The following ZFP30 variants were observed in gnomAD, a reference collection of about 807,000 sequenced individuals.
ZFP30 encodes the protein zinc finger protein 30 homolog.
In ZFP30, 16 loss-of-function variants were observed where a neutral mutation model predicts 12.3. That is an observed-to-expected ratio of 1.30 (90% confidence interval 0.88 to 1.98). The LOEUF (loss-of-function observed/expected upper bound fraction) is 1.98. ZFP30 is among the 30% of genes most tolerant of loss of function. ZFP30 has a pLI of 0.00. For missense variants in ZFP30, 560 were observed against 611.2 expected, an observed-to-expected ratio of 0.92 and a Z score of 0.88; for synonymous variants, 172 against 201.0, an observed-to-expected ratio of 0.86 and a Z score of 1.22.
intron 3 of ZFP30, among the ~76,000 whole-genome samples, chr19:37,645,113 G>C (rs747319178): frequency 5.3e-5 from 8 of 151,998 alleles, no homozygotes; most frequent in Non-Finnish European, 1.0e-4. Flanking sequence ...GTTGAGGCAG[G>C]AGAATGGTGT....
At chr19:37,652,826 G>C (rs2044678142) in intron 2 of ZFP30, among the ~76,000 whole-genome samples, 1 of 151,950 alleles carries the variant, frequency 6.6e-6, no homozygotes, top group Non-Finnish European at 1.5e-5. Flanking sequence ...CAGTCATTAA[G>C]AAAATTGTGG....
At chr19:37,644,519 C>A in intron 4 of ZFP30, 91 bp downstream of exon 4, 1 of 1,377,194 alleles carries the variant, frequency 7.3e-7, no homozygotes, top group Non-Finnish European at 9.5e-7. Context: ...GGTGACTCAG[C>A]GAGACTTCGT....
At chr19:37,651,198 T>G (rs534278264) in intron 2 of ZFP30, among the ~76,000 whole-genome samples, 3 of 152,180 alleles carry the variant, frequency 2.0e-5, no homozygotes, top group Non-Finnish European at 4.4e-5. Context: ...AATGATCTTG[T>G]TTTTTGTAAG....
Position 37,632,711 on chromosome 19 carries a change from T to C in ZFP30, c.*2270A>G, listed in dbSNP as rs138238040. Reference sequence around the variant, plus strand: ...ACTAAGTCTTCAGAATCTTGTGTTTTACAAAAAAACACCATTTGAATTTGG... The same window carrying C: ...ACTAAGTCTTCAGAATCTTGTGTTTCACAAAAAAACACCATTTGAATTTGG... On this transcript the variant is annotated 3_prime_UTR_variant, in exon 6 of 6. Coordinates refer to ENST00000684514, the MANE Select transcript of ZFP30 (RefSeq NM_001320669.3). The C allele has an allele frequency of 1.5e-4, 23 of 152,332 alleles. No individual in the cohort carries two copies. The highest frequency in any genetic ancestry group is 5.3e-4 in the African/African-American group (22 of 41,584). The allele number at this position is 152,332 out of a possible 1,614,324, so 9.4% of individuals were successfully genotyped here. A position where few individuals can be genotyped will look rare whatever the true frequency, so the allele number is the denominator to read the frequency against.
intron 2 of ZFP30, among the ~76,000 whole-genome samples, chr19:37,650,738 CT>C (rs34780474): frequency 0.011 from 1,507 of 142,726 alleles, 8 homozygotes; most frequent in African/African-American, 0.03. Flanking sequence ...TTTTCTTTTC[CT>C]TTTTTTTTTT....
chr19:37,643,758 G>A (rs1002180424), intron 4 of ZFP30, among the ~76,000 whole-genome samples: 2 of 152,040 alleles, frequency 1.3e-5, no homozygotes, highest in African/African-American at 2.4e-5. Context: ...ATGTTCATGA[G>A]GTACTACATT....
chr19:37,637,643 C>CTGGGAT (rs2044357417), intron 5 of ZFP30, among the ~76,000 whole-genome samples: 1 of 152,086 alleles, frequency 6.6e-6, no homozygotes, highest in Non-Finnish European at 1.5e-5. Flanking sequence ...GTGCCCGCCA[C>CTGGGAT]CACACCTGGC....
chr19:37,642,153 T>C (rs1250317650), intron 5 of ZFP30, among the ~76,000 whole-genome samples: 1 of 152,266 alleles, frequency 6.6e-6, no homozygotes, highest in Non-Finnish European at 1.5e-5. Flanking sequence ...GGTAATATTC[T>C]ATCATTTCTT....
intron 5 of ZFP30, among the ~76,000 whole-genome samples, chr19:37,640,582 G>A (rs1435938277): frequency 6.6e-6 from 1 of 151,324 alleles, no homozygotes; most frequent in Non-Finnish European, 1.5e-5. Flanking sequence ...CAGGGCATCA[G>A]CTTTAATTAA....
At chr19:37,649,026 C>T (rs1467967678) in intron 2 of ZFP30, among the ~76,000 whole-genome samples, 1 of 151,732 alleles carries the variant, frequency 6.6e-6, no homozygotes, top group Non-Finnish European at 1.5e-5. Flanking sequence ...TTGCTTGATG[C>T]CAGGAATTGA....
Position 37,647,813 on chromosome 19 carries a change from C to T in ZFP30, c.9+1G>A, listed in dbSNP as rs1199776144. The T allele has an allele frequency of 1.2e-6, 2 of 1,614,018 alleles. No homozygotes were observed. Among genetic ancestry groups the T allele is most frequent in the Non-Finnish European group, 1.7e-6 (2 of 1,180,036 alleles). ...CAAAGTAGAGAGAAATTCCAACTTA[C>T]ACGAGCCATGATTTTAGAACTGCTA... On this transcript the variant is annotated splice_donor_variant, in intron 3 of 5. Coordinates refer to ENST00000684514, the MANE Select transcript of ZFP30 (RefSeq NM_001320669.3). LOFTEE classifies it high-confidence loss of function.
intron 2 of ZFP30, among the ~76,000 whole-genome samples, chr19:37,652,001 T>G (rs1380650525): frequency 6.6e-6 from 1 of 152,116 alleles, no homozygotes; most frequent in African/African-American, 2.4e-5. Flanking sequence ...CTTGAACAGA[T>G]GAAAAAAACT....
At chr19:37,646,268 G>A (rs1464499538) in intron 3 of ZFP30, among the ~76,000 whole-genome samples, 1 of 152,132 alleles carries the variant, frequency 6.6e-6, no homozygotes, top group Non-Finnish European at 1.5e-5. Flanking sequence ...GGTAACGAGG[G>A]ACTGCTGTAC....
chr19:37,635,794 T>C lies in ZFP30; in HGVS notation c.747A>G (p.Lys249=), dbSNP rs757407236. 1.9e-6 allele frequency: 3 copies of C among 1,613,858 alleles called. No individual in the cohort carries two copies. Among genetic ancestry groups the C allele is most frequent in the Non-Finnish European group, 8.5e-7 (1 of 1,179,982 alleles). Residue 249 remains lysine (K), a synonymous_variant, in exon 6 of 6, where the codon AAA becomes AAG. Transcript: ENST00000684514. ...TAAGTTGTCCTCTAACTCTAAAGGC[T>C]TTCCCACATTCTTTACATTCATACG... ...EKPYECKECG[K]AFRVRGQLNL...
intron 3 of ZFP30, among the ~76,000 whole-genome samples, chr19:37,646,291 A>G (rs2044542926): frequency 6.6e-6 from 1 of 152,144 alleles, no homozygotes; most frequent in Non-Finnish European, 1.5e-5. Flanking sequence ...CATCTGATGG[A>G]TATGTTACAC....
At chr19:37,654,551 C>T (rs1350242483) in intron 2 of ZFP30, among the ~76,000 whole-genome samples, 161 bp downstream of exon 2, 1 of 151,944 alleles carries the variant, frequency 6.6e-6, no homozygotes, top group African/African-American at 2.4e-5. Flanking sequence ...ATGAAGTGGG[C>T]ACTAACAACG....
chr19:37,650,537 G>T (rs868755741), intron 2 of ZFP30, among the ~76,000 whole-genome samples: 1 of 152,114 alleles, frequency 6.6e-6, no homozygotes, highest in Middle Eastern at 3.2e-3. Context: ...TCTAGAGGCA[G>T]TAATTTTTAC....
intron 5 of ZFP30, among the ~76,000 whole-genome samples, chr19:37,641,492 AC>A (rs1183892078): frequency 6.6e-6 from 1 of 152,214 alleles, no homozygotes; most frequent in Non-Finnish European, 1.5e-5. Flanking sequence ...AGTAGACAGA[AC>A]GGCATAATAA....
rs756260689 is a variant in ZFP30 at position 37,635,918 on chromosome 19, T to C, written c.623A>G (p.His208Arg). The stretch of plus-strand genomic sequence containing the variant: ...ACATTCATAGAGTTTGTCAGAAGTA[T>C]GAATTCTCTGATGTCGACTGAGGTG... The part of the protein sequence containing the change: ...CAHLSRHQRI[H>R]TSDKLYECKK... Residue 208 changes from histidine to arginine, a missense_variant, in exon 6 of 6, where the codon CAT becomes CGT. Physicochemically the swap from His to Arg is conservative, Grantham distance 29. Coordinates refer to ENST00000684514, the MANE Select transcript of ZFP30 (RefSeq NM_001320669.3). 4 of 1,614,102 alleles carry C rather than the reference T, an allele frequency of 2.5e-6. No individual in the cohort carries two copies. Among genetic ancestry groups the C allele is most frequent in the East Asian group, 4.5e-5 (2 of 44,888 alleles).
Sources: allele counts gnomAD v4.1 joint callset (sites outside exome capture counted in the v4.1 genomes callset), GRCh38; gene constraint gnomAD v4.1.1; transcripts MANE v1.5; gene names NCBI Gene and HGNC (gene_info 2026-07-23, HGNC 2026-07-21).